Variants in RGS6 observed in about 807,000 individuals in gnomAD.
RGS6 encodes regulator of G protein signaling 6.
A neutral mutation model predicts 78.5 loss-of-function variants in RGS6; 30 were observed. That is an observed-to-expected ratio of 0.38 (90% confidence interval 0.29 to 0.52). The LOEUF (loss-of-function observed/expected upper bound fraction) is 0.52, where lower values mean the gene tolerates loss of function less well. Among genes scored for constraint, RGS6 ranks in the 20% least tolerant of loss-of-function variants. The pLI is 0.85. For synonymous variants in RGS6, 206 were observed against 206.0 expected (o/e 1.00, Z 0.00); for missense variants, 495 against 609.7 (o/e 0.81, Z 1.98).
chr14:72,067,382 T>C (rs1202484385), intron 2 of RGS6, among the ~76,000 whole-genome samples: 2 of 152,090 alleles, frequency 1.3e-5, no homozygotes, highest in Non-Finnish European at 2.9e-5. Flanking sequence ...AAAACCTAGA[T>C]AATAGGTTGA....
At chr14:72,336,962 T>C (rs760847619) in intron 2 of RGS6, among the ~76,000 whole-genome samples, 5 of 152,310 alleles carry the variant, frequency 3.3e-5, no homozygotes, top group Non-Finnish European at 7.3e-5. Flanking sequence ...AGATCCACAC[T>C]AACAACCTCA....
chr14:72,293,218 T>C (rs954458990), intron 2 of RGS6, among the ~76,000 whole-genome samples: 1 of 152,222 alleles, frequency 6.6e-6, no homozygotes, highest in Admixed American at 6.5e-5. Context: ...TCTGTCTATT[T>C]TGGTTCATTC....
chr14:72,320,495 G>A (rs545780314), intron 2 of RGS6, among the ~76,000 whole-genome samples: 17 of 152,078 alleles, frequency 1.1e-4, no homozygotes, highest in Admixed American at 6.5e-4. Flanking sequence ...GGAGAATGGC[G>A]TGAACCCGAG....
chr14:72,587,139 G>T, the RGS6 span, among the ~76,000 whole-genome samples: 1 of 152,098 alleles, frequency 6.6e-6, no homozygotes, highest in Middle Eastern at 3.2e-3. Context: ...GTAGCTGATG[G>T]GACATGTCCA....
chr14:72,628,323 A>G, the RGS6 span, among the ~76,000 whole-genome samples: 1 of 152,110 alleles, frequency 6.6e-6, no homozygotes, highest in African/African-American at 2.4e-5. Context: ...TCATAAATAG[A>G]TATTTTAACC....
Position 72,465,748 on chromosome 14 carries a change from C to A in RGS6, c.395-10C>A, listed in dbSNP as rs780592640. On this transcript the variant is annotated splice_polypyrimidine_tract_variant and intron_variant, in intron 6 of 17. Coordinates refer to ENST00000553525, the MANE Select transcript of RGS6 (RefSeq NM_001204424.2). ...TTTTGTACATGTTGTCATTTCCTTT[C>A]TTCCCTCAGCCATCTATCTCTGTAA... The A allele has an allele frequency of 5.0e-6, 8 of 1,610,104 alleles. No homozygotes were observed. The Admixed American group carries it at 1.2e-4, about 23-fold the overall frequency.
At position 72,077,744 on chromosome 14, in the gene RGS6, T is replaced by G. The variant is rs544180523; in HGVS notation, c.84+112869T>G. Among the ~76,000 whole-genome samples the G allele has an allele frequency of 2.6e-5, 4 of 152,338 alleles. No individual in the cohort carries two copies. The South Asian group carries it at 8.3e-4, about 32-fold the overall frequency. ...GCTAAACAAATTTTCAGCCTCTTTT[T>G]CAATGATTATTTTTTCAAATCAATG... On this transcript the variant is annotated intron_variant, in intron 2 of 17. Transcript: ENST00000553525.
chr14:72,462,060 T>C (rs960699314), intron 6 of RGS6, among the ~76,000 whole-genome samples: 2 of 152,158 alleles, frequency 1.3e-5, no homozygotes, highest in African/African-American at 4.8e-5. Flanking sequence ...CATGTGAAAC[T>C]GAAGCTAAGA....
At chr14:72,148,736 C>G (rs923413660) in intron 2 of RGS6, among the ~76,000 whole-genome samples, 6 of 152,150 alleles carry the variant, frequency 3.9e-5, no homozygotes. Context: ...ACACCATTCA[C>G]TGAGATAGAA....
At chr14:72,621,034 A>G in the RGS6 span, among the ~76,000 whole-genome samples, 1 of 151,856 alleles carries the variant, frequency 6.6e-6, no homozygotes, top group Non-Finnish European at 1.5e-5. Flanking sequence ...CCAGCTACTC[A>G]GGAGGCTGAG....
intron 2 of RGS6, among the ~76,000 whole-genome samples, chr14:72,190,452 A>C (rs2097308544): frequency 6.6e-6 from 1 of 151,910 alleles, no homozygotes; most frequent in South Asian, 2.1e-4. Flanking sequence ...TATCATGTCT[A>C]CTCCAGGATT....
intron 2 of RGS6, among the ~76,000 whole-genome samples, chr14:72,203,972 G>T (rs1015590092): frequency 2.0e-5 from 3 of 151,830 alleles, no homozygotes; most frequent in African/African-American, 7.3e-5. Context: ...CTATAAGTGT[G>T]CACCACCACA....
chr14:72,600,111 T>G, the RGS6 span, among the ~76,000 whole-genome samples: 1 of 152,032 alleles, frequency 6.6e-6, no homozygotes. Flanking sequence ...TCCTCCTTTC[T>G]TTCCCCTGCC....
Position 72,565,857 on chromosome 14 carries a change from A to C in RGS6, c.*3390A>C, listed in dbSNP as rs1376026806. ...GTGCTTCAAAAACCACCACCAGGAA[A>C]GCCTTCCCAGAAGAGGGAAAGGATT... On this transcript the variant is annotated 3_prime_UTR_variant, in exon 18 of 18. Transcript: ENST00000553525. 1 of 152,224 alleles carries C rather than the reference A, an allele frequency of 6.6e-6. No homozygotes were observed. Among genetic ancestry groups the C allele is most frequent in the Non-Finnish European group, 1.5e-5 (1 of 68,046 alleles). The allele number at this position is 152,224 out of a possible 1,614,324, so 9.4% of individuals were successfully genotyped here.
chr14:72,182,432 A>AG (rs2097186046), intron 2 of RGS6, among the ~76,000 whole-genome samples: 1 of 151,678 alleles, frequency 6.6e-6, no homozygotes, highest in African/African-American at 2.4e-5. Context: ...AAAAAAAAAA[A>AG]AAAGCAAGCA....
At chr14:72,041,361 T>A (rs189653558) in intron 2 of RGS6, among the ~76,000 whole-genome samples, 10 of 152,328 alleles carry the variant, frequency 6.6e-5, no homozygotes, top group African/African-American at 2.2e-4. Context: ...TTTTCAACAG[T>A]TTGTGTTCTC....
intron 5 of RGS6, 45 bp downstream of exon 5, chr14:72,458,422 C>A (rs777445256): frequency 7.2e-7 from 1 of 1,380,078 alleles, no homozygotes; most frequent in Admixed American, 1.7e-5. Flanking sequence ...TTCTTCACAA[C>A]ATCATCTGAT....
intron 17 of RGS6, 100 bp from the exon 18 acceptor site, chr14:72,562,317 T>C: frequency 8.0e-7 from 1 of 1,251,980 alleles, no homozygotes; most frequent in South Asian, 1.2e-5. Flanking sequence ...TCGTTTGGCC[T>C]ACATGGCTCA....
chr14:72,522,009 A>G (rs180828025), intron 15 of RGS6, among the ~76,000 whole-genome samples: 1 of 152,312 alleles, frequency 6.6e-6, no homozygotes, highest in East Asian at 1.9e-4. Context: ...GATAACCCCT[A>G]TTTTGGTGTA....
Sources: gnomAD v4.1 joint callset for allele counts (sites outside exome capture counted in the v4.1 genomes callset) on GRCh38, gnomAD v4.1.1 for gene constraint, MANE v1.5 for transcripts, NCBI Gene and HGNC (gene_info 2026-07-23, HGNC 2026-07-21) for gene names.